The following DSTN variants were observed in gnomAD, a reference collection of about 807,000 sequenced individuals.
DSTN encodes destrin.
A neutral mutation model predicts 16.8 loss-of-function variants in DSTN; 10 were observed. That is an observed-to-expected ratio of 0.60 (90% confidence interval 0.37 to 1.01). The LOEUF (loss-of-function observed/expected upper bound fraction) is 1.01, where lower values mean the gene tolerates loss of function less well. Among genes scored for constraint, DSTN ranks in the 50% least tolerant of loss-of-function variants. The pLI is 0.01. For missense variants in DSTN, 141 were observed against 196.7 expected (o/e 0.72, Z 1.69); for synonymous variants, 57 against 58.9 (o/e 0.97, Z 0.14).
chr20:17,601,312 C>G (rs1415181602), intron 2 of DSTN, among the ~76,000 whole-genome samples: 1 of 143,400 alleles, frequency 7.0e-6, no homozygotes, highest in Non-Finnish European at 1.5e-5. Context: ...TCTGAATGTA[C>G]TGCTTTTATA....
chr20:17,604,091 C>A (rs1470935771), intron 2 of DSTN, among the ~76,000 whole-genome samples: 1 of 152,100 alleles, frequency 6.6e-6, no homozygotes, highest in Non-Finnish European at 1.5e-5. Context: ...CTGGGTCACA[C>A]GTACTTACGG....
At chr20:17,597,775 C>T (rs1450392591) in intron 1 of DSTN, among the ~76,000 whole-genome samples, 1 of 152,194 alleles carries the variant, frequency 6.6e-6, no homozygotes, top group East Asian at 1.9e-4. Context: ...GTTGTGTATG[C>T]ATCACTCCTG....
At chr20:17,598,998 C>G (rs1404920417) in intron 1 of DSTN, among the ~76,000 whole-genome samples, 1 of 152,184 alleles carries the variant, frequency 6.6e-6, no homozygotes, top group African/African-American at 2.4e-5. Flanking sequence ...AAAACATGCC[C>G]ACACAAAACC....
At chr20:17,596,877 A>T (rs947730605) in intron 1 of DSTN, 5 of 865,154 alleles carry the variant, frequency 5.8e-6, no homozygotes, top group Non-Finnish European at 6.9e-6. Flanking sequence ...CTAGTACATC[A>T]TTGATTTAAT....
intron 1 of DSTN, among the ~76,000 whole-genome samples, chr20:17,584,521 G>A (rs1464894093): frequency 1.3e-5 from 2 of 151,836 alleles, no homozygotes; most frequent in African/African-American, 4.8e-5. Flanking sequence ...GCGTGTTGGC[G>A]CATGCCTGTA....
chr20:17,608,119 A>T lies in DSTN; in HGVS notation c.*973A>T, dbSNP rs1337796906. 6.6e-6 allele frequency: 1 copy of T among 152,194 alleles called. No individual in the cohort carries two copies. Among genetic ancestry groups the T allele is most frequent in the African/African-American group, 2.4e-5 (1 of 41,440 alleles). The allele number at this position is 152,194 out of a possible 1,614,324, so 9.4% of individuals were successfully genotyped here. A position where few individuals can be genotyped will look rare whatever the true frequency, so the allele number is the denominator to read the frequency against. ...TCACAGGGAGCCACTGTTCACTGACACTTGGAAGCGGTCATTGTTAATATC... is the reference window on the plus strand; with the variant it reads ...TCACAGGGAGCCACTGTTCACTGACTCTTGGAAGCGGTCATTGTTAATATC... On this transcript the variant is annotated 3_prime_UTR_variant, in exon 4 of 4. Transcript: ENST00000246069.
intron 3 of DSTN, 49 bp from the exon 4 acceptor site, chr20:17,606,988 G>A (rs1407529708): frequency 6.3e-7 from 1 of 1,589,974 alleles, no homozygotes; most frequent in African/African-American, 1.3e-5. Flanking sequence ...AGAGAAAGAG[G>A]TAAACTGCTG....
intron 2 of DSTN, 102 bp from the exon 3 acceptor site, chr20:17,604,453 C>A: frequency 8.3e-7 from 1 of 1,206,396 alleles, no homozygotes; most frequent in Non-Finnish European, 1.2e-6. Flanking sequence ...TCAGGAGAGT[C>A]TGAGGATTCT....
At chr20:17,582,345 C>T (rs1475783543) in intron 1 of DSTN, among the ~76,000 whole-genome samples, 1 of 152,176 alleles carries the variant, frequency 6.6e-6, no homozygotes, top group African/African-American at 2.4e-5. Flanking sequence ...TCCCAAAGTG[C>T]TGGGATTACA....
chr20:17,586,745 A>G (rs997809757), intron 1 of DSTN, among the ~76,000 whole-genome samples: 1 of 152,226 alleles, frequency 6.6e-6, no homozygotes, highest in Non-Finnish European at 1.5e-5. Flanking sequence ...AGAAGCTCTA[A>G]CTAGATTTTC....
chr20:17,596,778 T>G, intron 1 of DSTN: 1 of 985,460 alleles, frequency 1.0e-6, no homozygotes, highest in South Asian at 4.7e-5. Flanking sequence ...TTACTGAGGC[T>G]TTTAAGGAGC....
intron 1 of DSTN, among the ~76,000 whole-genome samples, chr20:17,585,798 A>C (rs900456551): frequency 6.6e-6 from 1 of 152,088 alleles, no homozygotes; most frequent in Non-Finnish European, 1.5e-5. Flanking sequence ...TTTTGTCTCT[A>C]TAGTTTTACC....
At chr20:17,575,539 C>T (rs1471647245) in intron 1 of DSTN, among the ~76,000 whole-genome samples, 1 of 151,638 alleles carries the variant, frequency 6.6e-6, no homozygotes, top group Non-Finnish European at 1.5e-5. Flanking sequence ...ACACAACTCA[C>T]TGCATCGTCC....
intron 1 of DSTN, among the ~76,000 whole-genome samples, chr20:17,574,865 C>CTTTTCTTTTT (rs1354147534): frequency 2.0e-4 from 13 of 64,266 alleles, no homozygotes; most frequent in African/African-American, 7.8e-4. Flanking sequence ...CTTTTCTTTT[C>CTTTTCTTTTT]TTTTGTTTTT....
intron 1 of DSTN, among the ~76,000 whole-genome samples, chr20:17,581,813 A>T (rs1469276503): frequency 1.3e-5 from 2 of 152,254 alleles, no homozygotes; most frequent in Non-Finnish European, 2.9e-5. Context: ...AAAGTTTTAT[A>T]AATCTTTAAA....
intron 1 of DSTN, among the ~76,000 whole-genome samples, 175 bp downstream of exon 1, chr20:17,570,386 C>T (rs2035184941): frequency 6.6e-6 from 1 of 152,022 alleles, no homozygotes; most frequent in Admixed American, 6.5e-5. Context: ...CCGTCTCCCG[C>T]CGTCCTGGCT....
chr20:17,605,164 T>TTGGGATCCTGATGAGATGGCC, intron 3 of DSTN: 1 of 456,274 alleles, frequency 2.2e-6, no homozygotes, highest in South Asian at 1.5e-5. Flanking sequence ...CACTGGGTGA[T>TTGGGATCCTGATGAGATGGCC]TGGGATCCTG....
At chr20:17,578,325 A>G (rs1215518557) in intron 1 of DSTN, among the ~76,000 whole-genome samples, 2 of 152,222 alleles carry the variant, frequency 1.3e-5, no homozygotes, top group African/African-American at 2.4e-5. Context: ...TAATTATGAC[A>G]AAGGACAGGT....
chr20:17,573,016 A>G (rs2035225080), intron 1 of DSTN, among the ~76,000 whole-genome samples: 1 of 152,160 alleles, frequency 6.6e-6, no homozygotes, highest in Non-Finnish European at 1.5e-5. Flanking sequence ...GGCTATTGCA[A>G]TTAGGAGAGC....
Sources: allele counts gnomAD v4.1 joint callset (sites outside exome capture counted in the v4.1 genomes callset), GRCh38; gene constraint gnomAD v4.1.1; transcripts MANE v1.5; gene names NCBI Gene and HGNC (gene_info 2026-07-23, HGNC 2026-07-21).